The following LIG3 variants were observed in gnomAD, a reference collection of about 807,000 sequenced individuals.
The protein encoded by LIG3 is ligase II, DNA, ATP-dependent.
Under a neutral mutation model 110.9 loss-of-function variants are expected in LIG3, and 58 were observed. The ratio of observed to expected loss-of-function variants is 0.52; its 90% CI spans 0.42 to 0.65. The LOEUF (loss-of-function observed/expected upper bound fraction) is 0.65, where lower values mean the gene tolerates loss of function less well. Ranked by LOEUF, LIG3 falls within the 30% of genes least tolerant of loss-of-function variation. The probability of loss-of-function intolerance (pLI) is 0.00; values close to 1 mark genes in which losing one functional copy is unlikely to be tolerated. For missense variants in LIG3, 1,094 were observed against 1,273.8 expected, an observed-to-expected ratio of 0.86 and a Z score of 2.15; for synonymous variants, 422 against 472.8, an observed-to-expected ratio of 0.89 and a Z score of 1.39.
intron 1 of LIG3, among the ~76,000 whole-genome samples, chr17:34,982,414 G>A (rs2090605848): frequency 6.6e-6 from 1 of 152,138 alleles, no homozygotes; most frequent in Admixed American, 6.5e-5. Flanking sequence ...GGAGGCCGAG[G>A]CGGGCGAATC....
intron 3 of LIG3, among the ~76,000 whole-genome samples, chr17:34,988,900 A>C (rs1308105434): frequency 6.6e-6 from 1 of 152,208 alleles, no homozygotes; most frequent in Non-Finnish European, 1.5e-5. Context: ...CAGCTCTGAC[A>C]ACCTGTGATA....
intron 3 of LIG3, among the ~76,000 whole-genome samples, chr17:34,987,708 C>T (rs2090671577): frequency 6.6e-6 from 1 of 152,192 alleles, no homozygotes; most frequent in Non-Finnish European, 1.5e-5. Flanking sequence ...TACCATAGTG[C>T]TATGCACAGG....
Position 35,009,446 on chromosome 17 carries a change from T to C in LIG3, c.*4940T>C, listed in dbSNP as rs1597808416. On this transcript the variant is annotated 3_prime_UTR_variant, in exon 20 of 20. Transcript: ENST00000378526. The stretch of plus-strand genomic sequence containing the variant: ...ATTCTAAGAATTAGATGTTTCCATA[T>C]CATTAAAACCAAGGATCCATGAGGG... The C allele has an allele frequency of 3.9e-5, 6 of 152,244 alleles. 1 individual carries two copies. The highest frequency in any genetic ancestry group is 3.9e-4 in the Admixed American group (6 of 15,298). 9.4% of individuals were successfully genotyped at this position (152,244 alleles called of 1,614,324 possible).
chr17:34,983,542 G>T lies in LIG3; in HGVS notation c.537G>T (p.Gln179His). The change falls in exon 2 of 20, where the codon CAG (glutamine) becomes CAT (histidine). Residue 179 changes from glutamine to histidine, a missense_variant. Physicochemically the swap from Gln to His is conservative, Grantham distance 24. Transcript: ENST00000378526. Reference sequence around the variant, plus strand: ...ATAATGAGAAGGAACAGATAACCCAGCACATTGCAGGTAAGGTAGAGAACA... The same window carrying T: ...ATAATGAGAAGGAACAGATAACCCATCACATTGCAGGTAAGGTAGAGAACA... ...LEDNEKEQIT[Q>H]HIADLSSKAA... 6.2e-7 allele frequency: 1 copy of T among 1,612,510 alleles called. No homozygotes were observed. The highest frequency in any genetic ancestry group is 8.5e-7 in the Non-Finnish European group (1 of 1,179,494).
rs1350936371 is a variant in LIG3 at position 35,006,318 on chromosome 17, A to C, written c.*1812A>C. 6.4e-6 allele frequency: 1 copy of C among 155,284 alleles called. No individual in the cohort carries two copies. The highest frequency in any genetic ancestry group is 1.9e-4 in the East Asian group (1 of 5,280). The allele number at this position is 155,284 out of a possible 1,614,324, so 9.6% of individuals were successfully genotyped here. A position where few individuals can be genotyped will look rare whatever the true frequency, so the allele number is the denominator to read the frequency against. The stretch of plus-strand genomic sequence containing the variant: ...AAGTTCTTATTTTAATTCAACTTCA[A>C]ATGGTCACATGTCACTAGTGACTAC... On this transcript the variant is annotated 3_prime_UTR_variant, in exon 20 of 20. Coordinates refer to ENST00000378526, the MANE Select transcript of LIG3 (RefSeq NM_013975.4).
intron 3 of LIG3, among the ~76,000 whole-genome samples, chr17:34,988,212 A>T (rs1379051264): frequency 6.6e-6 from 1 of 150,982 alleles, no homozygotes; most frequent in Non-Finnish European, 1.5e-5. Flanking sequence ...AAAAAAAAAA[A>T]AAAATTCTGA....
intron 19 of LIG3, 159 bp downstream of exon 19, chr17:35,002,948 G>A: frequency 6.2e-7 from 1 of 1,613,266 alleles, no homozygotes; most frequent in Non-Finnish European, 8.5e-7. Context: ...TCGTGGGCAG[G>A]GTCAGCAATG....
intron 3 of LIG3, among the ~76,000 whole-genome samples, chr17:34,989,059 C>T (rs1307404503): frequency 2.0e-5 from 3 of 151,852 alleles, no homozygotes. Context: ...CCAGGCTGGT[C>T]TCGAACTCCT....
At position 35,003,085 on chromosome 17, in the gene LIG3, C is replaced by T. The variant is rs1414527757; in HGVS notation, c.2796+296C>T. ...CTAGCCAGGAGAGACTGCAGGGACT[C>T]ACTCAGCTGCTGGCCCCAAGTCAAA... On this transcript the variant is annotated intron_variant, in intron 19 of 19. Coordinates refer to ENST00000378526, the MANE Select transcript of LIG3 (RefSeq NM_013975.4). 2.5e-6 allele frequency: 4 copies of T among 1,613,448 alleles called. No homozygotes were observed. The African/African-American group carries it at 4.0e-5, about 16-fold the overall frequency.
chr17:34,996,708 C>T (rs2090782080), intron 11 of LIG3, 55 bp downstream of exon 11: 1 of 1,453,036 alleles, frequency 6.9e-7, no homozygotes, highest in East Asian at 2.3e-5. Context: ...GTTTTCATTT[C>T]CTGGGTGAGG....
Position 34,994,341 on chromosome 17 carries a change from C to A in LIG3, c.1521C>A (p.Ile507=). 1.9e-6 allele frequency: 3 copies of A among 1,614,108 alleles called. No homozygotes were observed. Among genetic ancestry groups the A allele is most frequent in the Non-Finnish European group, 2.5e-6 (3 of 1,179,976 alleles). The change falls in exon 9 of 20, where the codon ATC becomes ATA. Residue 507 remains isoleucine, a synonymous_variant. Coordinates refer to ENST00000378526, the MANE Select transcript of LIG3 (RefSeq NM_013975.4). ...KKCPNGMFSE[I]KYDGERVQVH... Reference sequence around the variant, plus strand: ...GTCCCAATGGCATGTTCTCTGAGATCAAGTACGATGGAGAGCGAGTCCAGG... The same window carrying A: ...GTCCCAATGGCATGTTCTCTGAGATAAAGTACGATGGAGAGCGAGTCCAGG...
chr17:35,004,033 TC>T, intron 19 of LIG3: 1 of 522,992 alleles, frequency 1.9e-6, no homozygotes, highest in African/African-American at 1.9e-5. Flanking sequence ...CATCTCCAGG[TC>T]CCAGATGTCG....
At chr17:34,996,519 T>A in intron 10 of LIG3, 55 bp from the exon 11 acceptor site, 1 of 1,431,524 alleles carries the variant, frequency 7.0e-7, no homozygotes, top group East Asian at 2.3e-5. Context: ...TACTCCTTAT[T>A]TTTTCACACT....
chr17:34,991,300 T>G lies in LIG3; in HGVS notation c.1041+186T>G. ...GCTATAGCTCTTAATTTCTTAAGTT[T>G]CTGAGGGTGGAAACCATACAACTGC... On this transcript the variant is annotated intron_variant, in intron 5 of 19. Coordinates refer to ENST00000378526, the MANE Select transcript of LIG3 (RefSeq NM_013975.4). 4.9e-6 allele frequency: 3 copies of G among 617,930 alleles called. No homozygotes were observed. The East Asian group carries it at 8.4e-5, about 17-fold the overall frequency. 38.3% of individuals were successfully genotyped at this position (617,930 alleles called of 1,614,324 possible). A position where few individuals can be genotyped will look rare whatever the true frequency, so the allele number is the denominator to read the frequency against.
Position 34,980,606 on chromosome 17 carries a change from C to A in LIG3, c.-21C>A, listed in dbSNP as rs536685958. On this transcript the variant is annotated 5_prime_UTR_variant, in exon 1 of 20. Coordinates refer to ENST00000378526, the MANE Select transcript of LIG3 (RefSeq NM_013975.4). Reference sequence around the variant, plus strand: ...AAGTTCCGAGGCCTACGGTGAGCGCCGGAGCCGGAGAGGCAGGTGAGGGGC... The same window carrying A: ...AAGTTCCGAGGCCTACGGTGAGCGCAGGAGCCGGAGAGGCAGGTGAGGGGC... The A allele has an allele frequency of 7.8e-7, 1 of 1,284,180 alleles. No homozygotes were observed. Among genetic ancestry groups the A allele is most frequent in the South Asian group, 1.2e-5 (1 of 80,220 alleles). The allele number at this position is 1,284,180 out of a possible 1,614,324, so 79.5% of individuals were successfully genotyped here. A position where few individuals can be genotyped will look rare whatever the true frequency, so the allele number is the denominator to read the frequency against.
chr17:34,991,196 T>TC (rs2090716810), intron 5 of LIG3, 82 bp downstream of exon 5: 1 of 1,352,628 alleles, frequency 7.4e-7, no homozygotes, highest in Non-Finnish European at 1.0e-6. Flanking sequence ...TTTTTTTTTT[T>TC]CTGGTTGGGA....
intron 8 of LIG3, among the ~76,000 whole-genome samples, chr17:34,993,893 CT>C (rs1348078111): frequency 2.0e-5 from 3 of 152,182 alleles, no homozygotes; most frequent in Non-Finnish European, 4.4e-5. Context: ...ACTCTTTAAC[CT>C]TAGCTTCACA....
Position 35,005,886 on chromosome 17 carries a change from T to C in LIG3, c.*1380T>C. ...TACCTAGCGAAAAAAACAGGAAGCA[T>C]ATTGAAGCTCGGACTAGAATTTCTT... On this transcript the variant is annotated 3_prime_UTR_variant, in exon 20 of 20. Coordinates refer to ENST00000378526, the MANE Select transcript of LIG3 (RefSeq NM_013975.4). The C allele has an allele frequency of 2.9e-6, 1 of 345,868 alleles. No individual in the cohort carries two copies. Among genetic ancestry groups the C allele is most frequent in the Non-Finnish European group, 5.6e-6 (1 of 177,058 alleles). The allele number at this position is 345,868 out of a possible 1,614,324, so 21.4% of individuals were successfully genotyped here.
At chr17:34,989,789 C>A in intron 4 of LIG3, 126 bp downstream of exon 4, 1 of 829,866 alleles carries the variant, frequency 1.2e-6, no homozygotes, top group Admixed American at 2.3e-5. Flanking sequence ...TACTGTAGTG[C>A]TATCTGGAAA....
Sources: gnomAD v4.1 joint callset for allele counts (sites outside exome capture counted in the v4.1 genomes callset) on GRCh38, gnomAD v4.1.1 for gene constraint, MANE v1.5 for transcripts, NCBI Gene and HGNC (gene_info 2026-07-23, HGNC 2026-07-21) for gene names.